RYR1: variants seen among roughly 807,000 people sequenced by gnomAD.
RYR1 encodes the protein ryanodine receptor 1, also known as central core disease of muscle.
In RYR1, 342 loss-of-function variants were observed where a neutral mutation model predicts 583.5. The observed-to-expected ratio is 0.59, with a 90% confidence interval of 0.54 to 0.64. The LOEUF is 0.64. Among genes scored for constraint, RYR1 ranks in the 30% least tolerant of loss-of-function variants. RYR1 has a pLI of 0.00. For synonymous variants in RYR1, 2,791 were observed against 2,822.5 expected, an observed-to-expected ratio of 0.99 and a Z score of 0.35; for missense variants, 6,032 against 6,917.2, an observed-to-expected ratio of 0.87 and a Z score of 4.54.
rs199870223 is a variant in RYR1 at position 38,496,415 on chromosome 19, C to T, written c.6670C>T (p.Arg2224Cys). The T allele has an allele frequency of 1.6e-4, 259 of 1,613,886 alleles. No homozygotes were observed. Among genetic ancestry groups the T allele is most frequent in the South Asian group, 1.1e-3 (98 of 91,084 alleles). Residue 2224 changes from arginine (R) to cysteine (C), a missense_variant, in exon 41 of 106, where the codon CGC becomes TGC. Arg to Cys is a radical substitution (Grantham distance 180). This residue lies in a region of RYR1 where 2,627 missense variants were observed against 2,961.3 expected (regional missense o/e 0.89). Coordinates refer to ENST00000359596, the MANE Select transcript of RYR1 (RefSeq NM_000540.3). This position sits in a 1 kb window ranked among gnomAD's most constrained non-coding sequence, Gnocchi z 4.8. ...VLGGGESKEI[R>C]FPKMVTSCCR... The stretch of plus-strand genomic sequence containing the variant: ...ACCACCCTGCCTGTCCCAGGAGATC[C>T]GCTTCCCCAAGATGGTGACAAGCTG...
Position 38,444,072 on chromosome 19 carries a change from T to G in RYR1, c.425-77T>G. The G allele has an allele frequency of 7.8e-7, 1 of 1,278,754 alleles. No individual in the cohort carries two copies. The highest frequency in any genetic ancestry group is 1.1e-6 in the Non-Finnish European group (1 of 875,894). The allele number at this position is 1,278,754 out of a possible 1,614,324, so 79.2% of individuals were successfully genotyped here. A position where few individuals can be genotyped will look rare whatever the true frequency, so the allele number is the denominator to read the frequency against. On this transcript the variant is annotated intron_variant, in intron 5 of 105. Coordinates refer to ENST00000359596, the MANE Select transcript of RYR1 (RefSeq NM_000540.3). The surrounding 1 kb of genome is among the most constrained non-coding windows in gnomAD (Gnocchi z 5.1). ...TGGGCCAAGGGCCCGGGAGGCCTGG[T>G]GGAGGGAGAGCCCTGGGGAAGAGCA...
chr19:38,460,831 A>G (rs1967698152), intron 20 of RYR1, among the ~76,000 whole-genome samples: 1 of 152,180 alleles, frequency 6.6e-6, no homozygotes, highest in Non-Finnish European at 1.5e-5. Context: ...TAAAAATACA[A>G]AAAGTTAGCT....
chr19:38,530,866 A>G (rs1029644168), intron 76 of RYR1, among the ~76,000 whole-genome samples: 2 of 151,266 alleles, frequency 1.3e-5, no homozygotes, highest in African/African-American at 4.9e-5. Context: ...GCAATGGCGC[A>G]ATCTCGGCTC....
In RYR1 at chr19:38,566,773, G is replaced by T. The variant is rs1259317625; in HGVS notation, c.13438-138G>T. On this transcript the variant is annotated intron_variant, in intron 91 of 105. Transcript: ENST00000359596. ...CTCTGTAAAACGGGAATCATAATCT[G>T]CCTCTTTCTGGTGGAGGGAAGTGTA... The T allele has an allele frequency of 8.1e-6, 12 of 1,481,324 alleles. No homozygotes were observed. In the East Asian group the frequency reaches 2.7e-4, roughly 34 times the overall value. 91.8% of individuals were successfully genotyped at this position (1,481,324 alleles called of 1,614,324 possible). A position where few individuals can be genotyped will look rare whatever the true frequency, so the allele number is the denominator to read the frequency against.
chr19:38,525,287 A>G (rs201418635), intron 70 of RYR1, 45 bp from the exon 71 acceptor site: 10 of 1,521,874 alleles, frequency 6.6e-6, no homozygotes, highest in Non-Finnish European at 8.9e-6. Flanking sequence ...GGGCTGAGGC[A>G]TGGGATTGGG....
Position 38,504,223 on chromosome 19 carries a change from C to T in RYR1, c.7930C>T (p.Leu2644Phe). Residue 2644 changes from leucine (L) to phenylalanine (F), a missense_variant, in exon 50 of 106, where the codon CTC (leucine) becomes TTC (phenylalanine). Around this residue, in one of 11 missense-constraint regions of RYR1, gnomAD observed 250 missense variants for 162.3 expected, o/e 1.54. Coordinates refer to ENST00000359596, the MANE Select transcript of RYR1 (RefSeq NM_000540.3). ...TCCCCCTCTTGTTCCCACCCAGCTCCTCACCAACCACTATGAGCGCTGTTG... is the reference window on the plus strand; with the variant it reads ...TCCCCCTCTTGTTCCCACCCAGCTCTTCACCAACCACTATGAGCGCTGTTG... ...NEFAKMPLKL[L>F]TNHYERCWKY... 6.2e-7 allele frequency: 1 copy of T among 1,612,804 alleles called. No homozygotes were observed.
chr19:38,556,421 G>A (rs1451683499), intron 89 of RYR1, among the ~76,000 whole-genome samples: 2 of 151,728 alleles, frequency 1.3e-5, no homozygotes, highest in African/African-American at 4.8e-5. Context: ...GGTTAATGCT[G>A]CAGTGAGCCA....
chr19:38,514,571 C>T (rs908059483), intron 63 of RYR1, among the ~76,000 whole-genome samples: 4 of 152,068 alleles, frequency 2.6e-5, no homozygotes, highest in African/African-American at 4.8e-5. Flanking sequence ...TGAGCCTCTG[C>T]GCCAACCCTA....
At chr19:38,533,167 A>G (rs1427014818) in intron 78 of RYR1, among the ~76,000 whole-genome samples, 2 of 152,180 alleles carry the variant, frequency 1.3e-5, no homozygotes, top group Admixed American at 6.5e-5. Context: ...GCAGAAGGAT[A>G]AAAGGAGCCT....
intron 47 of RYR1, 39 bp downstream of exon 47, chr19:38,501,029 C>A: frequency 6.2e-7 from 1 of 1,602,828 alleles, no homozygotes; most frequent in South Asian, 1.1e-5. Flanking sequence ...CTCCCCACTT[C>A]CACAGAGGGA....
intron 24 of RYR1, 89 bp downstream of exon 24, chr19:38,466,487 C>A (rs1049421380): frequency 1.7e-6 from 2 of 1,211,154 alleles, no homozygotes; most frequent in Non-Finnish European, 2.3e-6. Context: ...ACTCAGCCCC[C>A]AAATGGGCTA....
rs1273881385 is a variant in RYR1, at chr19:38,452,861, AC to A, written c.1290del (p.Ala431LeufsTer12). 6.2e-7 allele frequency: 1 copy of A among 1,608,156 alleles called. No individual in the cohort carries two copies. The highest frequency in any genetic ancestry group is 1.3e-5 in the African/African-American group (1 of 74,792). On this transcript the variant is annotated frameshift_variant, in exon 13 of 106. Coordinates refer to ENST00000359596, the MANE Select transcript of RYR1 (RefSeq NM_000540.3). LOFTEE classifies it high-confidence loss of function. ...FSGKPRGSGP[P>X]AGTALPIEGV... ...GCGGGAAGCCACGGGGCTCGGGGCC[AC>A]CCGCTGGCACGGCGCTGCCCATCGA...
chr19:38,519,349 C>T lies in RYR1; in HGVS notation c.10154C>T (p.Ala3385Val), dbSNP rs772566556. 18 of 1,612,186 alleles carry T rather than the reference C, an allele frequency of 1.1e-5. 2 individuals carry two copies. The highest frequency in any genetic ancestry group is 1.7e-4 in the Middle Eastern group (1 of 5,902). Reference sequence around the variant, plus strand: ...GAGCAGCTGCGCCTGGAGGCCAAGGCGGAGGCCCAGGAGGGCGAGCTGCTG... The same window carrying T: ...GAGCAGCTGCGCCTGGAGGCCAAGGTGGAGGCCCAGGAGGGCGAGCTGCTG... ...EEEQLRLEAK[A>V]EAQEGELLVR... Residue 3385 changes from alanine to valine, a missense_variant, in exon 67 of 106, where the codon GCG (alanine) becomes GTG (valine). Coordinates refer to ENST00000359596, the MANE Select transcript of RYR1 (RefSeq NM_000540.3).
Position 38,561,389 on chromosome 19 carries a change from C to G in RYR1, c.12559C>G (p.Arg4187Gly). Residue 4187 changes from arginine (R) to glycine (G), a missense_variant, in exon 90 of 106, where the codon CGC becomes GGC. Physicochemically the swap from Arg to Gly is moderately radical, Grantham distance 125. Around this residue, in one of 11 missense-constraint regions of RYR1, gnomAD observed 753 missense variants for 759.6 expected, o/e 0.99. Coordinates refer to ENST00000359596, the MANE Select transcript of RYR1 (RefSeq NM_000540.3). This position sits in a 1 kb window ranked among gnomAD's most constrained non-coding sequence, Gnocchi z 4.8. ...LGRIEIMGAS[R>G]RIERIYFEIS... ...CCGCATCGAGATCATGGGCGCGTCA[C>G]GCCGCATCGAGCGCATCTACTTCGA... 1 of 1,613,414 alleles carries G rather than the reference C, an allele frequency of 6.2e-7. No individual in the cohort carries two copies. The highest frequency in any genetic ancestry group is 1.7e-5 in the Admixed American group (1 of 60,024).
intron 101 of RYR1, among the ~76,000 whole-genome samples, chr19:38,581,903 C>T (rs1018310935): frequency 5.9e-5 from 9 of 152,238 alleles, no homozygotes; most frequent in Admixed American, 1.3e-4. Flanking sequence ...CAACTGCACC[C>T]GGCCTTATTT....
At chr19:38,489,084 A>C (rs529282221) in intron 34 of RYR1, 93 bp from the exon 35 acceptor site, 1 of 1,082,938 alleles carries the variant, frequency 9.2e-7, no homozygotes, top group Admixed American at 1.7e-5. Context: ...AATGATTGGC[A>C]TGTGCATGAG....
rs1355907932 is a variant in RYR1 at position 38,473,734 on chromosome 19, G to C, written c.4123G>C (p.Glu1375Gln). Reference sequence around the variant, plus strand: ...GGCGCAGCCCGCCAGGGCGGAGAATGAGAAGGATGCCACCACCGAGAAGAA... The same window carrying C: ...GGCGCAGCCCGCCAGGGCGGAGAATCAGAAGGATGCCACCACCGAGAAGAA... ...GEAQPARAEN[E>Q]KDATTEKNKK... The change falls in exon 28 of 106, where the codon GAG becomes CAG. Residue 1375 changes from glutamate (E) to glutamine (Q), a missense_variant. Physicochemically the swap from Glu to Gln is conservative, Grantham distance 29. Coordinates refer to ENST00000359596, the MANE Select transcript of RYR1 (RefSeq NM_000540.3). 1 of 1,535,396 alleles carries C rather than the reference G, an allele frequency of 6.5e-7. No individual in the cohort carries two copies. The highest frequency in any genetic ancestry group is 8.8e-7 in the Non-Finnish European group (1 of 1,139,868).
intron 96 of RYR1, among the ~76,000 whole-genome samples, chr19:38,575,152 C>T (rs893986924): frequency 6.6e-6 from 1 of 152,026 alleles, no homozygotes; most frequent in African/African-American, 2.4e-5. Context: ...ATGAAATCAA[C>T]CAGTATGAGG....
rs1334211840 is a variant in RYR1, at chr19:38,565,711, C to A, written c.13377C>A (p.Asp4459Glu). Residue 4459 changes from aspartate (D) to glutamate (E), a missense_variant, in exon 91 of 106, where the codon GAC becomes GAA. Physicochemically the swap from Asp to Glu is conservative, Grantham distance 45 (BLOSUM62 2). Coordinates refer to ENST00000359596, the MANE Select transcript of RYR1 (RefSeq NM_000540.3). The surrounding 1 kb of genome is among the most constrained non-coding windows in gnomAD (Gnocchi z 4.7). Reference sequence around the variant, plus strand: ...CTGGCGGTCTCGGGGACATGGGGGACACGACGCCTGCGGAACCGCCCACAC... The same window carrying A: ...CTGGCGGTCTCGGGGACATGGGGGAAACGACGCCTGCGGAACCGCCCACAC... ...EGAGGLGDMG[D>E]TTPAEPPTPE... The A allele has an allele frequency of 4.2e-6, 6 of 1,427,346 alleles. No individual in the cohort carries two copies. The Admixed American group carries it at 1.5e-4, about 35-fold the overall frequency. The allele number at this position is 1,427,346 out of a possible 1,614,324, so 88.4% of individuals were successfully genotyped here.
Sources: gnomAD v4.1 joint callset for allele counts (sites outside exome capture counted in the v4.1 genomes callset) on GRCh38, gnomAD v4.1.1 for gene constraint, gnomAD v4.1.1 regional missense constraint, Gnocchi (gnomAD v3.1) non-coding constraint, MANE v1.5 for transcripts, NCBI Gene and HGNC (gene_info 2026-07-23, HGNC 2026-07-21) for gene names.